FSTL5: variants seen among roughly 807,000 people sequenced by gnomAD.
FSTL5 encodes the protein follistatin like 5.
Under a neutral mutation model 89.1 loss-of-function variants are expected in FSTL5, and 62 were observed. The ratio of observed to expected loss-of-function variants is 0.70; its 90% CI spans 0.57 to 0.86. FSTL5 has a LOEUF of 0.86. FSTL5 is among the 40% of genes least tolerant of loss of function. The pLI is 0.00. For synonymous variants in FSTL5, 383 were observed against 346.2 expected (o/e 1.11, Z -1.18); for missense variants, 1,057 against 1,001.6 (o/e 1.06, Z -0.75).
rs961392222 is a variant in FSTL5, at chr4:162,050,163, C to T, written c.127-16505G>A. Among the ~76,000 whole-genome samples, 272 of 151,760 alleles carry T rather than the reference C, an allele frequency of 1.8e-3. 2 individuals are homozygous for T. The highest frequency in any genetic ancestry group is 6.1e-3 in the African/African-American group (253 of 41,506). On this transcript the variant is annotated intron_variant, in intron 2 of 15. Coordinates refer to ENST00000306100, the MANE Select transcript of FSTL5 (RefSeq NM_020116.5). ...AAAATAAATTTTCCGCAAGTGAATA[C>T]ACAATCTAGAATTGAAAGGTTTTTT... is the stretch of plus-strand genomic sequence containing the variant.
intron 2 of FSTL5, among the ~76,000 whole-genome samples, chr4:162,096,958 T>C (rs935296097): frequency 6.6e-6 from 1 of 151,918 alleles, no homozygotes; most frequent in African/African-American, 2.4e-5. Flanking sequence ...TCCTTTGTTG[T>C]TTTATTCTTT....
rs193171066 is a variant in FSTL5 at position 161,479,509 on chromosome 4, G to T, written c.1608+1511C>A. 5.5e-3 allele frequency among the ~76,000 whole-genome samples: 842 copies of T among 152,198 alleles called. 14 individuals carry two copies. The highest frequency in any genetic ancestry group is 0.019 in the African/African-American group (798 of 41,540). Reference sequence around the variant, plus strand: ...TTTCCAATTTTAATCCACCAGCAAGGAGTTTTGATAATCCCAAAATGAATG... The same window carrying T: ...TTTCCAATTTTAATCCACCAGCAAGTAGTTTTGATAATCCCAAAATGAATG... On this transcript the variant is annotated intron_variant, in intron 13 of 15. Transcript: ENST00000306100.
intron 7 of FSTL5, among the ~76,000 whole-genome samples, chr4:161,604,598 T>C (rs1044781585): frequency 1.2e-4 from 19 of 152,148 alleles, no homozygotes; most frequent in Admixed American, 1.3e-4. Flanking sequence ...GGCATATTTA[T>C]GACTCACCGG....
chr4:162,096,316 A>G (rs1470327637), intron 2 of FSTL5, among the ~76,000 whole-genome samples: 2 of 151,818 alleles, frequency 1.3e-5, no homozygotes, highest in Non-Finnish European at 2.9e-5. Context: ...CCTAAGACCA[A>G]TCATCCAAGA....
At chr4:161,767,540 G>C (rs62330828) in intron 5 of FSTL5, among the ~76,000 whole-genome samples, 7,348 of 152,220 alleles carry the variant, frequency 0.048, 274 homozygotes, top group Non-Finnish European at 0.072. Context: ...GCCCCAAAGA[G>C]AGTGCTGAAT....
intron 1 of FSTL5, among the ~76,000 whole-genome samples, chr4:162,150,799 A>C (rs930910689): frequency 2.6e-5 from 4 of 152,182 alleles, no homozygotes; most frequent in African/African-American, 7.2e-5. Context: ...AAGTAATTCA[A>C]CTTCTGGGGA....
chr4:162,050,661 T>G (rs140542913), intron 2 of FSTL5, among the ~76,000 whole-genome samples: 25 of 151,072 alleles, frequency 1.7e-4, no homozygotes, highest in Non-Finnish European at 3.0e-4. Flanking sequence ...CAGATATATT[T>G]TACTTAAATA....
At chr4:161,696,591 T>A (rs1738178810) in intron 6 of FSTL5, among the ~76,000 whole-genome samples, 1 of 152,220 alleles carries the variant, frequency 6.6e-6, no homozygotes, top group African/African-American at 2.4e-5. Context: ...GCATGGAATG[T>A]GATTCCATTT....
intron 4 of FSTL5, among the ~76,000 whole-genome samples, chr4:161,812,315 C>T (rs969168863): frequency 6.6e-6 from 1 of 152,116 alleles, no homozygotes; most frequent in African/African-American, 2.4e-5. Flanking sequence ...ATAGTTGAAG[C>T]CTTTCTCATT....
At chr4:161,386,689 A>C in intron 15 of FSTL5, 1 of 454,036 alleles carries the variant, frequency 2.2e-6, no homozygotes, top group Non-Finnish European at 3.9e-6. Flanking sequence ...AAATAATTAA[A>C]AGCAATACAT....
intron 6 of FSTL5, among the ~76,000 whole-genome samples, chr4:161,757,443 C>T (rs1251004467): frequency 6.6e-6 from 1 of 151,772 alleles, no homozygotes; most frequent in Non-Finnish European, 1.5e-5. Flanking sequence ...CTCCCTGTTA[C>T]CTTGCCACCA....
chr4:161,947,344 T>C (rs997661321), intron 3 of FSTL5, among the ~76,000 whole-genome samples: 3 of 152,146 alleles, frequency 2.0e-5, no homozygotes, highest in Admixed American at 2.0e-4. Flanking sequence ...GCTAATTTTA[T>C]ATGCTTTTTC....
intron 10 of FSTL5, among the ~76,000 whole-genome samples, chr4:161,535,594 G>T (rs1281944817): frequency 6.6e-6 from 1 of 152,040 alleles, no homozygotes; most frequent in Non-Finnish European, 1.5e-5. Flanking sequence ...AGTAGATCCT[G>T]GCAAGGTTAT....
At chr4:162,017,433 A>G (rs192322713) in intron 3 of FSTL5, among the ~76,000 whole-genome samples, 212 of 152,260 alleles carry the variant, frequency 1.4e-3, no homozygotes, top group Admixed American at 1.6e-3. Context: ...AATTATTATA[A>G]ATGTTATCTG....
chr4:161,594,104 T>C (rs922631108), intron 7 of FSTL5, among the ~76,000 whole-genome samples: 2 of 152,050 alleles, frequency 1.3e-5, no homozygotes, highest in Admixed American at 6.6e-5. Flanking sequence ...TAATTACCGA[T>C]GGCCAGAAAA....
chr4:161,537,694 C>T (rs1411596806), intron 10 of FSTL5, among the ~76,000 whole-genome samples: 2 of 152,094 alleles, frequency 1.3e-5, no homozygotes, highest in Non-Finnish European at 2.9e-5. Context: ...GCAGTGAGTG[C>T]CTTAGAGTGG....
chr4:162,119,771 C>T (rs1731783988), intron 1 of FSTL5, among the ~76,000 whole-genome samples: 1 of 152,060 alleles, frequency 6.6e-6, no homozygotes, highest in Admixed American at 6.6e-5. Context: ...ACCTATTCCT[C>T]CCATCTGGCT....
chr4:161,729,300 C>T (rs536196935), intron 6 of FSTL5, among the ~76,000 whole-genome samples: 13 of 152,254 alleles, frequency 8.5e-5, no homozygotes, highest in South Asian at 2.1e-4. Flanking sequence ...TTAGAACCCC[C>T]TCAATAATTC....
intron 2 of FSTL5, among the ~76,000 whole-genome samples, chr4:162,080,959 T>C (rs945004109): frequency 1.3e-5 from 2 of 151,674 alleles, no homozygotes; most frequent in African/African-American, 4.8e-5. Context: ...GTTTAAAAAG[T>C]ATTATTCTAT....
Sources: allele counts gnomAD v4.1 joint callset (sites outside exome capture counted in the v4.1 genomes callset), GRCh38; gene constraint gnomAD v4.1.1; transcripts MANE v1.5; gene names NCBI Gene and HGNC (gene_info 2026-07-23, HGNC 2026-07-21).